PPARGC1A: variants seen among roughly 807,000 people sequenced by gnomAD.
The protein encoded by PPARGC1A is PPARG coactivator 1 alpha.
PPARGC1A carries 25 observed loss-of-function variants against 88.7 expected under a neutral mutation model. The observed-to-expected ratio is 0.28, with a 90% CI of 0.21 to 0.39. The LOEUF (loss-of-function observed/expected upper bound fraction) is 0.39, where lower values mean the gene tolerates loss of function less well. Among genes scored for constraint, PPARGC1A ranks in the 10% least tolerant of loss-of-function variants. PPARGC1A has a pLI of 1.00. For synonymous variants in PPARGC1A, 363 were observed against 355.6 expected, an observed-to-expected ratio of 1.02 and a Z score of -0.24; for missense variants, 880 against 968.7, an observed-to-expected ratio of 0.91 and a Z score of 1.22.
the PPARGC1A span, among the ~76,000 whole-genome samples, chr4:24,249,338 A>G: frequency 6.6e-6 from 1 of 152,278 alleles, no homozygotes; most frequent in East Asian, 1.9e-4. Flanking sequence ...AAAACAATCT[A>G]AAACCAGAAG....
the PPARGC1A span, among the ~76,000 whole-genome samples, chr4:24,184,336 T>C: frequency 6.6e-6 from 1 of 152,170 alleles, no homozygotes; most frequent in Non-Finnish European, 1.5e-5. Context: ...GAAGATCCAG[T>C]GGTGAGCATT....
At chr4:24,006,036 G>GTGT in the PPARGC1A span, among the ~76,000 whole-genome samples, 13 of 152,056 alleles carry the variant, frequency 8.5e-5, no homozygotes, top group African/African-American at 2.2e-4. Flanking sequence ...TTTTGTTTTT[G>GTGT]TGTTGTTGTT....
chr4:24,009,406 A>C, the PPARGC1A span, among the ~76,000 whole-genome samples: 1 of 152,182 alleles, frequency 6.6e-6, no homozygotes, highest in African/African-American at 2.4e-5. Context: ...TGATGATGGC[A>C]TGAGGGTTAT....
the PPARGC1A span, among the ~76,000 whole-genome samples, chr4:24,462,427 T>C: frequency 6.6e-6 from 1 of 151,864 alleles, no homozygotes; most frequent in African/African-American, 2.4e-5. Flanking sequence ...GATGCTCCTC[T>C]CTCCACTCCT....
the PPARGC1A span, among the ~76,000 whole-genome samples, chr4:24,257,199 C>A: frequency 6.6e-6 from 1 of 152,084 alleles, no homozygotes; most frequent in South Asian, 2.1e-4. Flanking sequence ...TCTAGAGGTT[C>A]TCAGGCTCCA....
At chr4:24,012,749 CTATTTTTGGGAATAAAAGATA>C in the PPARGC1A span, among the ~76,000 whole-genome samples, 3 of 152,088 alleles carry the variant, frequency 2.0e-5, no homozygotes, top group Admixed American at 2.0e-4. Flanking sequence ...AAAAGAGATA[CTATTTTTGGGAATAAAAGATA>C]TATTTTTGTA....
At chr4:23,961,662 G>T in the PPARGC1A span, among the ~76,000 whole-genome samples, 1 of 151,814 alleles carries the variant, frequency 6.6e-6, no homozygotes, top group African/African-American at 2.4e-5. Context: ...GTGGTAATTG[G>T]GACAGGTATT....
chr4:24,449,647 G>A, the PPARGC1A span, among the ~76,000 whole-genome samples: 180 of 152,246 alleles, frequency 1.2e-3, no homozygotes, highest in African/African-American at 4.1e-3. Flanking sequence ...AGGTAGTTTT[G>A]CACAAAAGAC....
the PPARGC1A span, among the ~76,000 whole-genome samples, chr4:24,050,194 C>CTTTTTTTTTTTTTTTT: frequency 4.7e-5 from 6 of 127,808 alleles, 1 homozygote; most frequent in Non-Finnish European, 6.4e-5. Context: ...CTTAGGTGAC[C>CTTTTTTTTTTTTTTTT]TTTTGTTTTT....
At chr4:24,172,375 T>G in the PPARGC1A span, among the ~76,000 whole-genome samples, 1 of 152,376 alleles carries the variant, frequency 6.6e-6, no homozygotes, top group East Asian at 1.9e-4. Context: ...AAAGAACATT[T>G]ACTGAGCATC....
the PPARGC1A span, among the ~76,000 whole-genome samples, chr4:24,270,061 G>C: frequency 5.9e-5 from 9 of 152,014 alleles, no homozygotes; most frequent in Non-Finnish European, 1.3e-4. Context: ...TGAGTACAGC[G>C]TATTGCCCTC....
chr4:23,849,059 G>A (rs1475022243), intron 2 of PPARGC1A, among the ~76,000 whole-genome samples: 3 of 152,120 alleles, frequency 2.0e-5, no homozygotes, highest in Non-Finnish European at 4.4e-5. Context: ...CAGGAGAATG[G>A]CATGAACCCG....
chr4:23,905,276 G>A (rs1719902256), upstream of PPARGC1A, among the ~76,000 whole-genome samples: 1 of 152,174 alleles, frequency 6.6e-6, no homozygotes, highest in African/African-American at 2.4e-5. Context: ...GTCAGACAAG[G>A]AAGTCAACAA....
the PPARGC1A span, among the ~76,000 whole-genome samples, chr4:24,020,452 T>C: frequency 2.0e-5 from 3 of 152,176 alleles, no homozygotes; most frequent in Non-Finnish European, 4.4e-5. Flanking sequence ...TTTATAAGTA[T>C]AACATCAATA....
At chr4:23,919,290 T>C in the PPARGC1A span, among the ~76,000 whole-genome samples, 1 of 152,030 alleles carries the variant, frequency 6.6e-6, no homozygotes, top group Non-Finnish European at 1.5e-5. Context: ...GTCAATTGCA[T>C]TAGAAAAAAA....
At chr4:24,112,837 C>T in the PPARGC1A span, among the ~76,000 whole-genome samples, 1 of 152,202 alleles carries the variant, frequency 6.6e-6, no homozygotes, top group East Asian at 1.9e-4. Flanking sequence ...CATCTCTTGC[C>T]CTATCACCAC....
At chr4:24,302,095 C>G in the PPARGC1A span, among the ~76,000 whole-genome samples, 2 of 152,258 alleles carry the variant, frequency 1.3e-5, no homozygotes, top group East Asian at 3.9e-4. Flanking sequence ...CACTCCCTTG[C>G]CACTCTAGAT....
the PPARGC1A span, among the ~76,000 whole-genome samples, chr4:24,365,267 AAT>A: frequency 6.6e-6 from 1 of 152,222 alleles, no homozygotes; most frequent in African/African-American, 2.4e-5. Flanking sequence ...GTTATTTAAA[AAT>A]ATGTTCCCAA....
At chr4:24,117,983 G>C in the PPARGC1A span, among the ~76,000 whole-genome samples, 18 of 152,176 alleles carry the variant, frequency 1.2e-4, no homozygotes, top group South Asian at 3.7e-3. Context: ...CACACGACAA[G>C]AGCAACAGCT....
Sources: allele counts gnomAD v4.1 joint callset (sites outside exome capture counted in the v4.1 genomes callset), GRCh38; gene constraint gnomAD v4.1.1; transcripts MANE v1.5; gene names NCBI Gene and HGNC (gene_info 2026-07-23, HGNC 2026-07-21).